Variants in SLC9A8 observed in about 807,000 individuals in gnomAD.
SLC9A8 encodes the protein sodium/hydrogen exchanger 8.
In SLC9A8, 48 loss-of-function variants were observed where a neutral mutation model predicts 66.6. That is an observed-to-expected ratio of 0.72 (90% confidence interval 0.57 to 0.92). The LOEUF is 0.92. Among genes scored for constraint, SLC9A8 ranks in the 40% least tolerant of loss-of-function variants. The probability of loss-of-function intolerance (pLI) is 0.00; values close to 1 mark genes in which losing one functional copy is unlikely to be tolerated. For synonymous variants in SLC9A8, 274 were observed against 282.6 expected (o/e 0.97, Z 0.31); for missense variants, 599 against 747.3 (o/e 0.80, Z 2.31).
At position 49,850,772 on chromosome 20, in the gene SLC9A8, T is replaced by G. The variant is rs73271123; in HGVS notation, c.535-38T>G. 4,273 of 1,602,316 alleles carry G rather than the reference T, an allele frequency of 2.7e-3. 47 individuals carry two copies. In the African/African-American group the frequency reaches 0.027, roughly 10 times the overall value. ...TTGGCTGTTCTCCAGGGTTTTTTTTTTGTGTGTGTCTGTGTGTTTGTGTGT... is the reference window on the plus strand; with the variant it reads ...TTGGCTGTTCTCCAGGGTTTTTTTTGTGTGTGTGTCTGTGTGTTTGTGTGT... On this transcript the variant is annotated intron_variant, in intron 6 of 15. Coordinates refer to ENST00000361573, the MANE Select transcript of SLC9A8 (RefSeq NM_015266.3).
At chr20:49,833,892 A>C (rs959442616) in intron 3 of SLC9A8, among the ~76,000 whole-genome samples, 1 of 152,176 alleles carries the variant, frequency 6.6e-6, no homozygotes, top group Non-Finnish European at 1.5e-5. Flanking sequence ...GGAAAATGTT[A>C]GAACTTGTGT....
intron 3 of SLC9A8, chr20:49,830,415 G>C: frequency 3.6e-6 from 3 of 830,306 alleles, no homozygotes; most frequent in Non-Finnish European, 6.4e-6. Context: ...TTTCGCCCGT[G>C]TGTTGGATCC....
chr20:49,838,525 TA>T (rs2087633248), intron 3 of SLC9A8, among the ~76,000 whole-genome samples: 2 of 152,230 alleles, frequency 1.3e-5, no homozygotes, highest in South Asian at 4.1e-4. Context: ...TGGAGGTTTA[TA>T]AAGTGAAAAT....
At position 49,821,338 on chromosome 20, in the gene SLC9A8, A is replaced by T. The variant is rs145317654; in HGVS notation, c.209-1723A>T. On this transcript the variant is annotated intron_variant, in intron 2 of 15. Coordinates refer to ENST00000361573, the MANE Select transcript of SLC9A8 (RefSeq NM_015266.3). ...TTGCCGTTTTTTGTTTTGTCTAGAC[A>T]TTGGGCATGTTCATTAGTCACATGT... Among the ~76,000 whole-genome samples, 595 of 152,266 alleles carry T rather than the reference A, an allele frequency of 3.9e-3. 6 individuals carry two copies. Among genetic ancestry groups the T allele is most frequent in the African/African-American group, 0.014 (572 of 41,550 alleles).
At chr20:49,834,404 T>A (rs537307007) in intron 3 of SLC9A8, among the ~76,000 whole-genome samples, 553 of 54,218 alleles carry the variant, frequency 0.01, 32 homozygotes, top group Non-Finnish European at 0.013. Flanking sequence ...ATATATACTG[T>A]GTATATATAT....
chr20:49,832,130 C>G (rs1336333655), intron 3 of SLC9A8, among the ~76,000 whole-genome samples: 9 of 152,172 alleles, frequency 5.9e-5, no homozygotes, highest in Admixed American at 1.3e-4. Context: ...CCTTGCATGC[C>G]CACTGCTCTC....
intron 8 of SLC9A8, among the ~76,000 whole-genome samples, 192 bp downstream of exon 8, chr20:49,855,773 G>A (rs2088452365): frequency 6.6e-6 from 1 of 152,132 alleles, no homozygotes; most frequent in African/African-American, 2.4e-5. Context: ...TCAGGTTCCA[G>A]GGGTGGTTAA....
intron 3 of SLC9A8, among the ~76,000 whole-genome samples, chr20:49,831,551 TGA>T (rs2087196883): frequency 6.6e-6 from 1 of 151,890 alleles, no homozygotes; most frequent in African/African-American, 2.4e-5. Flanking sequence ...GAATCAGCAA[TGA>T]GAGTTGGAAG....
intron 2 of SLC9A8, among the ~76,000 whole-genome samples, chr20:49,815,629 C>T (rs1051620290): frequency 1.3e-5 from 2 of 152,050 alleles, no homozygotes; most frequent in African/African-American, 2.4e-5. Flanking sequence ...CCTGTAATCA[C>T]AGCTACTCAG....
Position 49,881,029 on chromosome 20 carries a change from T to G in SLC9A8, c.1264T>G (p.Phe422Val). The G allele has an allele frequency of 6.2e-7, 1 of 1,607,070 alleles. No individual in the cohort carries two copies. Among genetic ancestry groups the G allele is most frequent in the Non-Finnish European group, 8.5e-7 (1 of 1,173,546 alleles). The change falls in exon 13 of 16, where the codon TTT becomes GTT. Residue 422 changes from phenylalanine to valine, a missense_variant. Physicochemically the swap from Phe to Val is conservative, Grantham distance 50. Transcript: ENST00000361573. ...ITPKMMFIMW[F>V]SGLRGAIPYA... ...ACCGAAGATGATGTTCATCATGTGGTTTAGTGGTAAGTCAAATCTTGGATA... is the reference window on the plus strand; with the variant it reads ...ACCGAAGATGATGTTCATCATGTGGGTTAGTGGTAAGTCAAATCTTGGATA...
chr20:49,818,643 A>AC (rs915122280), intron 2 of SLC9A8, among the ~76,000 whole-genome samples: 4 of 151,974 alleles, frequency 2.6e-5, no homozygotes, highest in Admixed American at 2.0e-4. Context: ...GGTGCCTGCC[A>AC]CCACACCCAG....
At position 49,888,237 on chromosome 20, in the gene SLC9A8, TAGGGCGCCTACCCCCCCACCCGG is replaced by T. The variant is rs1336679239; in HGVS notation, c.*305_*327del. The T allele has an allele frequency of 3.1e-6, 1 of 324,694 alleles. No homozygotes were observed. Among genetic ancestry groups the T allele is most frequent in the East Asian group, 8.7e-5 (1 of 11,524 alleles). 20.1% of individuals were successfully genotyped at this position (324,694 alleles called of 1,614,324 possible). A position where few individuals can be genotyped will look rare whatever the true frequency, so the allele number is the denominator to read the frequency against. On this transcript the variant is annotated 3_prime_UTR_variant, in exon 16 of 16. Coordinates refer to ENST00000361573, the MANE Select transcript of SLC9A8 (RefSeq NM_015266.3). ...GCCAGGTGCCAGTCATCTGTGAAGC[TAGGGCGCCTACCCCCCCACCCGG>T]AGGACCCCTGCGGCCCCCTGCCTAG...
chr20:49,834,367 G>GTA lies in SLC9A8; in HGVS notation c.290-5173_290-5172insAT, dbSNP rs1410010533. On this transcript the variant is annotated intron_variant, in intron 3 of 15. Transcript: ENST00000361573. The stretch of plus-strand genomic sequence containing the variant: ...TATATACTGTATATATATATATACT[G>GTA]TGTATATATATATATACTGTGTATA... Among the ~76,000 whole-genome samples the GTA allele has an allele frequency of 2.5e-3, 108 of 43,866 alleles. 5 individuals carry two copies. The highest frequency in any genetic ancestry group is 3.4e-3 in the Non-Finnish European group (71 of 20,788). The allele number at this position is 43,866 out of a possible 152,430, so 28.8% of individuals were successfully genotyped here.
chr20:49,825,351 A>G (rs754336315), intron 3 of SLC9A8, among the ~76,000 whole-genome samples: 19 of 152,200 alleles, frequency 1.2e-4, no homozygotes, highest in Non-Finnish European at 2.8e-4. Flanking sequence ...TTCAAAAGAA[A>G]ATAAATTGGC....
intron 3 of SLC9A8, among the ~76,000 whole-genome samples, chr20:49,826,935 A>G (rs117664257): frequency 1.3e-5 from 2 of 151,280 alleles, no homozygotes; most frequent in African/African-American, 2.4e-5. Flanking sequence ...TTGAGTTCAC[A>G]TATTTATTTA....
intron 3 of SLC9A8, chr20:49,831,171 C>T: frequency 2.1e-6 from 1 of 466,226 alleles, no homozygotes; most frequent in Non-Finnish European, 4.0e-6. Context: ...GGACTTTGCT[C>T]TGGACCAGCC....
Position 49,888,168 on chromosome 20 carries a change from C to T in SLC9A8, c.*232C>T, listed in dbSNP as rs1017671323. On this transcript the variant is annotated 3_prime_UTR_variant, in exon 16 of 16. Transcript: ENST00000361573. ...CCCGACTCCTCCCTGAGCCAGCCTCCGCTCAGTGTGGCTCCTCAGCCCACA... is the reference window on the plus strand; with the variant it reads ...CCCGACTCCTCCCTGAGCCAGCCTCTGCTCAGTGTGGCTCCTCAGCCCACA... The T allele has an allele frequency of 3.1e-5, 14 of 457,526 alleles. No individual in the cohort carries two copies. Among genetic ancestry groups the T allele is most frequent in the Admixed American group, 1.1e-4 (3 of 27,848 alleles). The allele number at this position is 457,526 out of a possible 1,614,324, so 28.3% of individuals were successfully genotyped here.
chr20:49,858,473 G>A (rs1478684211), intron 8 of SLC9A8, among the ~76,000 whole-genome samples: 2 of 151,010 alleles, frequency 1.3e-5, no homozygotes, highest in Admixed American at 1.3e-4. Context: ...TATGCATTGG[G>A]AGCTAAACTC....
Position 49,888,294 on chromosome 20 carries a change from C to A in SLC9A8, c.*358C>A. The A allele has an allele frequency of 4.3e-6, 1 of 234,562 alleles. No homozygotes were observed. Among genetic ancestry groups the A allele is most frequent in the South Asian group, 4.4e-5 (1 of 22,716 alleles). The allele number at this position is 234,562 out of a possible 1,614,324, so 14.5% of individuals were successfully genotyped here. On this transcript the variant is annotated 3_prime_UTR_variant, in exon 16 of 16. Transcript: ENST00000361573. ...TGCGGCCCCCTGCCTAGAGGAGCAC[C>A]ATCTACAGTTGTGCCATTCCCCAGC...
Sources: gnomAD v4.1 joint callset for allele counts (sites outside exome capture counted in the v4.1 genomes callset) on GRCh38, gnomAD v4.1.1 for gene constraint, MANE v1.5 for transcripts, NCBI Gene and HGNC (gene_info 2026-07-23, HGNC 2026-07-21) for gene names.